The following SON variants were observed in gnomAD, a reference collection of about 807,000 sequenced individuals.
SON encodes the protein SON DNA and RNA binding protein.
Under a neutral mutation model 173.3 loss-of-function variants are expected in SON, and 4 were observed. The ratio of observed to expected loss-of-function variants is 0.02; its 90% CI spans 0.01 to 0.05. The LOEUF is 0.05. SON is among the 10% of genes least tolerant of loss of function. SON has a pLI of 1.00. For synonymous variants in SON, 1,190 were observed against 1,105.9 expected (o/e 1.08, Z -1.51); for missense variants, 2,626 against 3,055.3 (o/e 0.86, Z 3.31).
intron 7 of SON, 62 bp downstream of exon 7, chr21:33,567,329 C>T (rs759145630): frequency 1.6e-5 from 14 of 900,112 alleles, no homozygotes; most frequent in Non-Finnish European, 2.2e-5. Context: ...ACCAATGTAC[C>T]AGTTTTAATG....
chr21:33,550,567 G>C lies in SON; in HGVS notation c.1336G>C (p.Val446Leu). Residue 446 changes from valine to leucine, a missense_variant, in exon 3 of 12, where the codon GTG becomes CTG. Physicochemically the swap from Val to Leu is conservative, Grantham distance 32. Transcript: ENST00000356577. ...PELPGPSVTPVPQLSQELPGL... is the reference protein window; with the variant it reads ...PELPGPSVTPLPQLSQELPGL... ...GTTGCCAGGGCCCTCTGTGACACCA[G>C]TGCCACAGTTGTCGCAGGAATTGCC... 1 of 1,613,860 alleles carries C rather than the reference G, an allele frequency of 6.2e-7. No homozygotes were observed. The highest frequency in any genetic ancestry group is 1.1e-5 in the South Asian group (1 of 91,082).
chr21:33,574,539 C>A (rs1218650516), intron 9 of SON, among the ~76,000 whole-genome samples: 2 of 152,172 alleles, frequency 1.3e-5, no homozygotes, highest in African/African-American at 2.4e-5. Context: ...GGATGAGCAT[C>A]CCACATCTGG....
Position 33,550,893 on chromosome 21 carries a change from A to C in SON, c.1662A>C (p.Ala554=). 1 of 1,609,298 alleles carries C rather than the reference A, an allele frequency of 6.2e-7. No homozygotes were observed. The highest frequency in any genetic ancestry group is 8.5e-7 in the Non-Finnish European group (1 of 1,176,884). Residue 554 remains alanine (A), a synonymous_variant, in exon 3 of 12, where the codon GCA becomes GCC. Coordinates refer to ENST00000356577, the MANE Select transcript of SON (RefSeq NM_138927.4). ...MVLELPGQPV[A]TTALELPGQP... is the part of the protein sequence containing the mutation. ...TGGAGTTGCCAGGACAGCCAGTGGC[A>C]ACGACAGCGCTGGAGTTGCCGGGGC...
rs188943648 is a variant in SON, at chr21:33,577,330, T to A, written c.*906T>A. 1 of 152,632 alleles carries A rather than the reference T, an allele frequency of 6.6e-6. No homozygotes were observed. The highest frequency in any genetic ancestry group is 1.5e-5 in the Non-Finnish European group (1 of 68,040). 9.5% of individuals were successfully genotyped at this position (152,632 alleles called of 1,614,324 possible). ...TCTAATAAAATTGGCAACCAGCCAC[T>A]ATTTTGTTGACTATGAGAAAGTTAA... On this transcript the variant is annotated 3_prime_UTR_variant, in exon 12 of 12. Coordinates refer to ENST00000356577, the MANE Select transcript of SON (RefSeq NM_138927.4).
rs968761284 is a variant in SON, at chr21:33,565,826, G to T, written c.6658-1331G>T. On this transcript the variant is annotated intron_variant, in intron 6 of 11. Transcript: ENST00000356577. The stretch of plus-strand genomic sequence containing the variant: ...TTAATTTTGTTTTCATTTTAAGAAG[G>T]CATTGTATCAGAATCCATACTTAAA... Among the ~76,000 whole-genome samples, 7 of 152,080 alleles carry T rather than the reference G, an allele frequency of 4.6e-5. No individual in the cohort carries two copies. The South Asian group carries it at 1.4e-3, about 31-fold the overall frequency.
chr21:33,546,404 T>C, intron 2 of SON, 25 bp downstream of exon 2: 1 of 1,562,084 alleles, frequency 6.4e-7, no homozygotes. Context: ...ATTAACTGTC[T>C]CAAAAATTTT....
chr21:33,570,935 CTT>C (rs2086270647), intron 8 of SON, among the ~76,000 whole-genome samples: 1 of 152,112 alleles, frequency 6.6e-6, no homozygotes, highest in Non-Finnish European at 1.5e-5. Flanking sequence ...AAAAGTGAAT[CTT>C]TTACTGACTC....
In SON at chr21:33,557,246, C is replaced by T. The variant is rs112116028; in HGVS notation, c.6251C>T (p.Ala2084Val). 1 of 1,613,560 alleles carries T rather than the reference C, an allele frequency of 6.2e-7. No individual in the cohort carries two copies. Among genetic ancestry groups the T allele is most frequent in the Non-Finnish European group, 8.5e-7 (1 of 1,179,896 alleles). ...CCTTTACCACCAAACCTAAAGCCTG[C>T]ACCTCCACCTACTATAGAAGAGAAA... ...GVPLPPNLKPAPPPTIEEKVA... is the reference protein window; with the variant it reads ...GVPLPPNLKPVPPPTIEEKVA... Residue 2084 changes from alanine to valine, a missense_variant, in exon 4 of 12, where the codon GCA becomes GTA. By Grantham distance (64) the Ala-to-Val change is moderately conservative (BLOSUM62 0). Coordinates refer to ENST00000356577, the MANE Select transcript of SON (RefSeq NM_138927.4).
At chr21:33,568,231 G>A (rs141215452) in intron 7 of SON, among the ~76,000 whole-genome samples, 23 of 152,328 alleles carry the variant, frequency 1.5e-4, no homozygotes, top group African/African-American at 5.1e-4. Context: ...AGTGGCTCAC[G>A]CCTGTTATCC....
chr21:33,563,120 CAT>C (rs2086098614), intron 6 of SON, among the ~76,000 whole-genome samples: 1 of 152,052 alleles, frequency 6.6e-6, no homozygotes, highest in Non-Finnish European at 1.5e-5. Context: ...AAATTAAACA[CAT>C]AGGTCCCGGC....
Position 33,550,337 on chromosome 21 carries a change from C to A in SON, c.1106C>A (p.Ala369Glu), listed in dbSNP as rs540447388. ...QELPELPKTT[A>E]LELQESSVAS... ...TTGCCGGAGCTGCCTAAGACCACAG[C>A]GTTGGAGCTGCAGGAGTCGTCGGTG... The change falls in exon 3 of 12, where the codon GCG becomes GAG. Residue 369 changes from alanine (A) to glutamate (E), a missense_variant. Physicochemically the swap from Ala to Glu is moderately radical, Grantham distance 107. Transcript: ENST00000356577. 6.2e-7 allele frequency: 1 copy of A among 1,614,136 alleles called. No homozygotes were observed. Among genetic ancestry groups the A allele is most frequent in the African/African-American group, 1.3e-5 (1 of 75,052 alleles).
chr21:33,551,399 C>G lies in SON; in HGVS notation c.2168C>G (p.Thr723Ser). 1 of 1,614,124 alleles carries G rather than the reference C, an allele frequency of 6.2e-7. No individual in the cohort carries two copies. Residue 723 changes from threonine (T) to serine (S), a missense_variant, in exon 3 of 12, where the codon ACC (threonine) becomes AGC (serine). Coordinates refer to ENST00000356577, the MANE Select transcript of SON (RefSeq NM_138927.4). Reference sequence around the variant, plus strand: ...ATATTAGCTTCTAACACCATGGAGACCCATATATTAGCATCCAACACCATG... The same window carrying G: ...ATATTAGCTTCTAACACCATGGAGAGCCATATATTAGCATCCAACACCATG... ...SHILASNTME[T>S]HILASNTMDS... is the part of the protein sequence containing the mutation.
At position 33,543,199 on chromosome 21, in the gene SON, A is replaced by C; in HGVS notation, c.77+30A>C. 3 of 1,587,420 alleles carry C rather than the reference A, an allele frequency of 1.9e-6. No homozygotes were observed. In the South Asian group the frequency reaches 3.3e-5, roughly 18 times the overall value. On this transcript the variant is annotated intron_variant, in intron 1 of 11. Transcript: ENST00000356577. Reference sequence around the variant, plus strand: ...ACGCCTCCCAGATTCTTCTGCTCCCAACGGACCGTTAGGCCCTCACCTAGC... The same window carrying C: ...ACGCCTCCCAGATTCTTCTGCTCCCCACGGACCGTTAGGCCCTCACCTAGC...
intron 6 of SON, chr21:33,560,759 G>T (rs778763719): frequency 5.7e-5 from 18 of 314,654 alleles, no homozygotes; most frequent in Non-Finnish European, 8.3e-5. Context: ...AGTTGTCATC[G>T]CCTCTTGCCC....
chr21:33,550,526 C>T lies in SON; in HGVS notation c.1295C>T (p.Ala432Val), dbSNP rs372497392. The T allele has an allele frequency of 9.3e-6, 15 of 1,613,620 alleles. No homozygotes were observed. The highest frequency in any genetic ancestry group is 3.3e-5 in the Admixed American group (2 of 59,984). The change falls in exon 3 of 12, where the codon GCG becomes GTG. Residue 432 changes from alanine (A) to valine (V), a missense_variant. Transcript: ENST00000356577. ...TPVPELPGPP[A>V]TAVPELPGPS... ...GTGCCTGAGTTGCCAGGGCCCCCTGCGACAGCAGTGCCTGAGTTGCCAGGG... is the reference window on the plus strand; with the variant it reads ...GTGCCTGAGTTGCCAGGGCCCCCTGTGACAGCAGTGCCTGAGTTGCCAGGG...
chr21:33,564,887 C>G (rs1004899586), intron 6 of SON, among the ~76,000 whole-genome samples: 2 of 140,818 alleles, frequency 1.4e-5, no homozygotes, highest in Non-Finnish European at 3.1e-5. Context: ...AAAAATGAAA[C>G]CAGTAGTCAA....
At position 33,550,788 on chromosome 21, in the gene SON, G is replaced by C. The variant is rs769334107; in HGVS notation, c.1557G>C (p.Met519Ile). The C allele has an allele frequency of 1.2e-6, 2 of 1,614,166 alleles. No homozygotes were observed. The highest frequency in any genetic ancestry group is 2.2e-5 in the South Asian group (2 of 91,078). ...TTTELEQPVGMTTVEHPGHPE... is the reference protein window; with the variant it reads ...TTTELEQPVGITTVEHPGHPE... ...CAGAGTTGGAGCAGCCTGTGGGGAT[G>C]ACAACGGTGGAACATCCTGGGCATC... The change falls in exon 3 of 12, where the codon ATG becomes ATC. Residue 519 changes from methionine (M) to isoleucine (I), a missense_variant. Around this residue, in one of 13 missense-constraint regions of SON, gnomAD observed 757 missense variants for 730.1 expected, o/e 1.04. Coordinates refer to ENST00000356577, the MANE Select transcript of SON (RefSeq NM_138927.4).
chr21:33,557,804 G>T, intron 4 of SON: 3 of 1,049,146 alleles, frequency 2.9e-6, no homozygotes, highest in Non-Finnish European at 3.9e-6. Context: ...TCGGGTTTTG[G>T]CTGTTTGGTA....
In SON at chr21:33,552,982, C is replaced by T. The variant is rs1569056010; in HGVS notation, c.3751C>T (p.Pro1251Ser). Residue 1251 changes from proline to serine, a missense_variant, in exon 3 of 12, where the codon CCA becomes TCA. Transcript: ENST00000356577. The surrounding 1 kb of genome is among the most constrained non-coding windows in gnomAD (Gnocchi z 5.6). Reference protein sequence around the residue: ...VSEAAVTVPEPPPEPESSITL... With the variant: ...VSEAAVTVPESPPEPESSITL... Reference sequence around the variant, plus strand: ...AGAGGCTGCTGTGACTGTTCCAGAACCACCACCAGAGCCAGAATCTTCAAT... The same window carrying T: ...AGAGGCTGCTGTGACTGTTCCAGAATCACCACCAGAGCCAGAATCTTCAAT... The T allele has an allele frequency of 6.2e-7, 1 of 1,609,376 alleles. No homozygotes were observed. Among genetic ancestry groups the T allele is most frequent in the Non-Finnish European group, 8.5e-7 (1 of 1,175,490 alleles).
Sources: gnomAD v4.1 joint callset for allele counts (sites outside exome capture counted in the v4.1 genomes callset) on GRCh38, gnomAD v4.1.1 for gene constraint, gnomAD v4.1.1 regional missense constraint, Gnocchi (gnomAD v3.1) non-coding constraint, MANE v1.5 for transcripts, NCBI Gene and HGNC (gene_info 2026-07-23, HGNC 2026-07-21) for gene names.